GPR35: variants seen among roughly 807,000 people sequenced by gnomAD.
The protein encoded by GPR35 is G protein-coupled receptor 35.
For synonymous variants in GPR35, 207 were observed against 198.4 expected (o/e 1.04, Z -0.36); for missense variants, 372 against 422.5 (o/e 0.88, Z 1.05).
chr2:240,625,446 G>A (rs1451803901), upstream of GPR35: 56 of 985,446 alleles, frequency 5.7e-5, no homozygotes, highest in Non-Finnish European at 6.0e-5. Context: ...GCAGAGTCAG[G>A]GACCAGCCCT....
Position 240,630,383 on chromosome 2 carries a change from T to A in GPR35, c.431T>A (p.Val144Asp), listed in dbSNP as rs761304224. 6.2e-7 allele frequency: 1 copy of A among 1,610,746 alleles called. No individual in the cohort carries two copies. Among genetic ancestry groups the A allele is most frequent in the Admixed American group, 1.7e-5 (1 of 60,022 alleles). The change falls in exon 2 of 2, where the codon GTC becomes GAC. Residue 144 changes from valine (V) to aspartate (D), a missense_variant. By Grantham distance (152) the Val-to-Asp change is radical. Transcript: ENST00000407714. ...GTGTGCGCGGTCCTCTGGGTGCTGGTCATCGGCTCCCTGGTGGCTCGCTGG... is the reference window on the plus strand; with the variant it reads ...GTGTGCGCGGTCCTCTGGGTGCTGGACATCGGCTCCCTGGTGGCTCGCTGG... ...AAVCAVLWVL[V>D]IGSLVARWLL...
At chr2:240,624,745 AT>A (rs796618278), upstream of GPR35, among the ~76,000 whole-genome samples, 54 of 152,334 alleles carry the variant, frequency 3.5e-4, 1 homozygote, top group African/African-American at 1.3e-3. Context: ...GCTCTGCACC[AT>A]GGGGGCGCAG....
At chr2:240,607,995 G>A (rs1379246664) in intron 2 of GPR35, among the ~76,000 whole-genome samples, 1 of 152,050 alleles carries the variant, frequency 6.6e-6, no homozygotes, top group East Asian at 1.9e-4. Context: ...GGGCTCAAGT[G>A]ATCCTCCCAC....
upstream of GPR35, among the ~76,000 whole-genome samples, chr2:240,624,892 C>A (rs1397707961): frequency 6.6e-6 from 1 of 151,966 alleles, no homozygotes; most frequent in Non-Finnish European, 1.5e-5. Flanking sequence ...GGAGGAGGGG[C>A]CGGTGGCCAA....
At chr2:240,623,762 C>A (rs1325800756), upstream of GPR35, among the ~76,000 whole-genome samples, 1 of 152,104 alleles carries the variant, frequency 6.6e-6, no homozygotes, top group Non-Finnish European at 1.5e-5. Context: ...TGGCAAGGGG[C>A]CCTTCCCAGA....
intron 2 of GPR35, among the ~76,000 whole-genome samples, chr2:240,612,208 A>ATCATGAGG (rs1208976272): frequency 1.8e-4 from 27 of 151,776 alleles, no homozygotes; most frequent in African/African-American, 5.8e-4. Flanking sequence ...AGGCGGGCGG[A>ATCATGAGG]TCATGAGGTG....
chr2:240,624,000 G>A (rs1362180460), upstream of GPR35, among the ~76,000 whole-genome samples: 2 of 136,018 alleles, frequency 1.5e-5, no homozygotes, highest in Non-Finnish European at 3.3e-5. Context: ...TTCATGGCTG[G>A]CCTGGTGGTG....
chr2:240,622,733 G>A (rs377350236), upstream of GPR35, among the ~76,000 whole-genome samples: 11 of 152,280 alleles, frequency 7.2e-5, 1 homozygote, highest in South Asian at 2.1e-4. Context: ...GGAGCTCCTC[G>A]CGTCACACAT....
chr2:240,620,420 G>A (rs539353353), intron 5 of GPR35, among the ~76,000 whole-genome samples: 6 of 152,278 alleles, frequency 3.9e-5, no homozygotes, highest in African/African-American at 1.4e-4. Flanking sequence ...GCTGCAGGTG[G>A]GCAGAGCTGG....
rs2043427842 is a variant in GPR35, at chr2:240,630,350, C to T, written c.398C>T (p.Ala133Val). 1 of 1,603,510 alleles carries T rather than the reference C, an allele frequency of 6.2e-7. No homozygotes were observed. Among genetic ancestry groups the T allele is most frequent in the African/African-American group, 1.3e-5 (1 of 74,880 alleles). The part of the protein sequence containing the change: ...RARGLRSPRQ[A>V]AAVCAVLWVL... ...CGCGGGCTGCGGTCCCCCAGGCAGG[C>T]TGCGGCCGTGTGCGCGGTCCTCTGG... Residue 133 changes from alanine (A) to valine (V), a missense_variant, in exon 2 of 2, where the codon GCT becomes GTT. Coordinates refer to ENST00000407714, the MANE Select transcript of GPR35 (RefSeq NM_005301.5).
chr2:240,623,993 A>G (rs1332509228), upstream of GPR35, among the ~76,000 whole-genome samples: 1 of 123,036 alleles, frequency 8.1e-6, no homozygotes, highest in Non-Finnish European at 1.8e-5. Flanking sequence ...GGTGGAGTTC[A>G]TGGCTGGCCT....
intron 3 of GPR35, chr2:240,616,968 A>G (rs2043245833): frequency 3.9e-6 from 3 of 773,314 alleles, no homozygotes; most frequent in Non-Finnish European, 7.2e-6. Flanking sequence ...ATGAAACTCT[A>G]CCAACAGCCA....
intron 1 of GPR35, among the ~76,000 whole-genome samples, chr2:240,625,945 T>G (rs1256123584): frequency 1.7e-4 from 9 of 52,814 alleles, no homozygotes; most frequent in East Asian, 9.1e-4. Flanking sequence ...GAGGCTGTGA[T>G]GGGTTCTCAG....
At chr2:240,629,579 T>C (rs927541108) in intron 1 of GPR35, 1 of 191,484 alleles carries the variant, frequency 5.2e-6, no homozygotes, top group African/African-American at 2.3e-5. Flanking sequence ...AGCTGTGTGC[T>C]GGGTAAGGCT....
chr2:240,612,426 C>CA (rs5839796), intron 2 of GPR35, among the ~76,000 whole-genome samples: 21 of 76,712 alleles, frequency 2.7e-4, no homozygotes, highest in East Asian at 3.8e-4. Flanking sequence ...GACTCTGTCT[C>CA]AAAAAAAAAA....
At chr2:240,609,873 T>G (rs372367901) in intron 2 of GPR35, among the ~76,000 whole-genome samples, 1 of 152,226 alleles carries the variant, frequency 6.6e-6, no homozygotes, top group East Asian at 1.9e-4. Flanking sequence ...TCAGCTTCCT[T>G]CATTTTTTGG....
chr2:240,608,470 T>G (rs2975772), intron 2 of GPR35, among the ~76,000 whole-genome samples: 2 of 152,150 alleles, frequency 1.3e-5, no homozygotes, highest in African/African-American at 4.8e-5. Flanking sequence ...GAGTTTCTAT[T>G]ATTCATGGAT....
intron 1 of GPR35, among the ~76,000 whole-genome samples, chr2:240,626,105 G>A (rs867434474): frequency 9.7e-6 from 1 of 103,440 alleles, no homozygotes; most frequent in Non-Finnish European, 2.0e-5. Context: ...GTCTCAGAGC[G>A]GGGTGAGGCT....
At chr2:240,619,406 G>A (rs1007300429) in intron 5 of GPR35, among the ~76,000 whole-genome samples, 2 of 152,244 alleles carry the variant, frequency 1.3e-5, no homozygotes, top group African/African-American at 4.8e-5. Flanking sequence ...GGCTCCGGAG[G>A]AAGTGTCTCT....
Sources: allele counts gnomAD v4.1 joint callset (sites outside exome capture counted in the v4.1 genomes callset), GRCh38; gene constraint gnomAD v4.1.1; transcripts MANE v1.5; gene names NCBI Gene and HGNC (gene_info 2026-07-23, HGNC 2026-07-21).